Variants in PRPF6 observed in about 807,000 individuals in gnomAD.
PRPF6 encodes pre-mRNA-processing factor 6.
A neutral mutation model predicts 118.3 loss-of-function variants in PRPF6; 42 were observed. That is an observed-to-expected ratio of 0.35 (90% CI 0.28 to 0.46). PRPF6 has a LOEUF of 0.46. PRPF6 is among the 20% of genes least tolerant of loss of function. The pLI is 1.00. For synonymous variants in PRPF6, 481 were observed against 485.1 expected (o/e 0.99, Z 0.11); for missense variants, 662 against 1,255.7 (o/e 0.53, Z 7.15).
chr20:64,022,898 TGCCCAAGGGTGC>T lies in PRPF6; in HGVS notation c.1769+21_1769+32del. 1 of 1,613,870 alleles carries T rather than the reference TGCCCAAGGGTGC, an allele frequency of 6.2e-7. No individual in the cohort carries two copies. Among genetic ancestry groups the T allele is most frequent in the Non-Finnish European group, 8.5e-7 (1 of 1,179,920 alleles). ...CACTCGGTATGTGGTGGGACCCGCCTGCCCAAGGGTGCTAATGAAACCTCCAGCTCCATTTGT... is the reference window on the plus strand; with the variant it reads ...CACTCGGTATGTGGTGGGACCCGCCTTAATGAAACCTCCAGCTCCATTTGT... On this transcript the variant is annotated intron_variant, in intron 13 of 20. Transcript: ENST00000266079.
At chr20:64,019,213 TCTC>T (rs907705884) in intron 12 of PRPF6, among the ~76,000 whole-genome samples, 6 of 151,036 alleles carry the variant, frequency 4.0e-5, no homozygotes, top group African/African-American at 1.5e-4. Context: ...TTCAAGCAAT[TCTC>T]CTGCCTCAGC....
chr20:64,002,014 G>GGTT (rs1322406883), intron 9 of PRPF6, among the ~76,000 whole-genome samples: 2 of 83,266 alleles, frequency 2.4e-5, no homozygotes, highest in Non-Finnish European at 4.2e-5. Context: ...TTTTTTTCTG[G>GGTT]TTTTTTTTTT....
intron 9 of PRPF6, among the ~76,000 whole-genome samples, chr20:64,006,340 T>C (rs1317316863): frequency 7.2e-6 from 1 of 139,402 alleles, no homozygotes; most frequent in Non-Finnish European, 1.5e-5. Flanking sequence ...TTTTTGAGAC[T>C]GAGTCTTGCT....
chr20:63,983,318 A>C (rs1017290619), intron 2 of PRPF6, 103 bp downstream of exon 2: 2 of 1,422,624 alleles, frequency 1.4e-6, no homozygotes, highest in African/African-American at 2.8e-5. Context: ...GGAGTGGCTC[A>C]TGCATTTAAA....
chr20:64,025,882 TCAGG>T (rs1324089963), intron 14 of PRPF6, 53 bp from the exon 15 acceptor site: 2 of 1,612,664 alleles, frequency 1.2e-6, no homozygotes, highest in East Asian at 2.2e-5. Flanking sequence ...TTAAGTGTGA[TCAGG>T]CGCTGGTCCC....
At chr20:64,024,389 G>A (rs2059278616) in intron 13 of PRPF6, among the ~76,000 whole-genome samples, 166 bp from the exon 14 acceptor site, 2 of 152,184 alleles carry the variant, frequency 1.3e-5, no homozygotes, top group South Asian at 4.2e-4. Context: ...TTATGGAGAG[G>A]AAAGATTTCC....
intron 9 of PRPF6, among the ~76,000 whole-genome samples, chr20:64,004,527 G>A (rs919570440): frequency 9.9e-5 from 15 of 152,208 alleles, no homozygotes; most frequent in Non-Finnish European, 1.8e-4. Flanking sequence ...AGGGAGCCTG[G>A]CAGTGCATGG....
At chr20:64,019,430 G>A (rs1004930169) in intron 12 of PRPF6, among the ~76,000 whole-genome samples, 1 of 152,144 alleles carries the variant, frequency 6.6e-6, no homozygotes, top group African/African-American at 2.4e-5. Flanking sequence ...ATACACTGGA[G>A]TAAGCACAGC....
chr20:63,990,649 C>CTTTT (rs565993288), intron 3 of PRPF6, among the ~76,000 whole-genome samples: 1 of 140,892 alleles, frequency 7.1e-6, no homozygotes, highest in Non-Finnish European at 1.5e-5. Context: ...TTTCTTTTTT[C>CTTTT]TTTTTTTTTT....
rs894671162 is a variant in PRPF6 at position 64,026,554 on chromosome 20, C to T, written c.2029-428C>T. On this transcript the variant is annotated intron_variant, in intron 15 of 20. Transcript: ENST00000266079. The surrounding 1 kb of genome is among the most constrained non-coding windows in gnomAD (Gnocchi z 4.4). ...GTTCATACGGCCGGGTGTGGTGGCT[C>T]ACGCCTGTAATCCCAGCACTTTGGG... Among the ~76,000 whole-genome samples, 1 of 151,522 alleles carries T rather than the reference C, an allele frequency of 6.6e-6. No individual in the cohort carries two copies. The highest frequency in any genetic ancestry group is 1.5e-5 in the Non-Finnish European group (1 of 67,956).
chr20:64,026,751 G>C lies in PRPF6; in HGVS notation c.2029-231G>C, dbSNP rs1345327198. Among the ~76,000 whole-genome samples the C allele has an allele frequency of 1.3e-5, 2 of 152,144 alleles. No homozygotes were observed. Among genetic ancestry groups the C allele is most frequent in the Non-Finnish European group, 2.9e-5 (2 of 68,022 alleles). ...GCAGGTGGAGCTTGCAGTGAGCCGA[G>C]ATCGTGCCACTGCACTCCAGCCTGG... On this transcript the variant is annotated intron_variant, in intron 15 of 20. Coordinates refer to ENST00000266079, the MANE Select transcript of PRPF6 (RefSeq NM_012469.4). This position sits in a 1 kb window ranked among gnomAD's most constrained non-coding sequence, Gnocchi z 4.4.
chr20:64,022,934 G>T, intron 13 of PRPF6, 56 bp downstream of exon 13: 1 of 1,612,524 alleles, frequency 6.2e-7, no homozygotes, highest in Admixed American at 1.7e-5. Context: ...AGCTCCATTT[G>T]TGTAGCCCTG....
chr20:64,026,893 CT>C lies in PRPF6; in HGVS notation c.2029-88del. 7.6e-7 allele frequency: 1 copy of C among 1,318,460 alleles called. No homozygotes were observed. The highest frequency in any genetic ancestry group is 1.2e-5 in the South Asian group (1 of 84,110). The allele number at this position is 1,318,460 out of a possible 1,614,324, so 81.7% of individuals were successfully genotyped here. A position where few individuals can be genotyped will look rare whatever the true frequency, so the allele number is the denominator to read the frequency against. ...AAAGCTTACAAAAGTACACACAGTA[CT>C]GCAGGTAACAGTGTTGAGGATGAGT... On this transcript the variant is annotated intron_variant, in intron 15 of 20. Coordinates refer to ENST00000266079, the MANE Select transcript of PRPF6 (RefSeq NM_012469.4). The surrounding 1 kb of genome is among the most constrained non-coding windows in gnomAD (Gnocchi z 4.4).
chr20:63,981,357 A>G, intron 1 of PRPF6, 41 bp downstream of exon 1: 1 of 1,539,346 alleles, frequency 6.5e-7, no homozygotes, highest in East Asian at 2.4e-5. Context: ...GGACCCGGCT[A>G]CAGGAGCGCA....
intron 9 of PRPF6, among the ~76,000 whole-genome samples, chr20:64,008,727 T>C (rs533484266): frequency 1.3e-5 from 2 of 152,360 alleles, no homozygotes; most frequent in South Asian, 2.1e-4. Flanking sequence ...AGAATAGATA[T>C]TTGATTTGCT....
At chr20:64,015,363 C>G (rs774887818) in intron 11 of PRPF6, among the ~76,000 whole-genome samples, 1 of 152,232 alleles carries the variant, frequency 6.6e-6, no homozygotes, top group Non-Finnish European at 1.5e-5. Context: ...CACCACTGAC[C>G]TTTGTGCCAG....
At chr20:63,997,029 A>G (rs1250605351) in intron 6 of PRPF6, among the ~76,000 whole-genome samples, 3 of 152,154 alleles carry the variant, frequency 2.0e-5, no homozygotes, top group African/African-American at 2.4e-5. Flanking sequence ...CTTCACTGAC[A>G]TAATTATGTT....
rs746415293 is a variant in PRPF6, at chr20:64,010,364, G to T, written c.1305+46G>T. The T allele has an allele frequency of 4.1e-6, 6 of 1,462,800 alleles. No homozygotes were observed. The South Asian group carries it at 4.5e-5, about 11-fold the overall frequency. 90.6% of individuals were successfully genotyped at this position (1,462,800 alleles called of 1,614,324 possible). The stretch of plus-strand genomic sequence containing the variant: ...GCCACCAGAGCCCAAAGTGGCCAAG[G>T]CCTGAGCCCAGGTTCAGTGTCTGGA... On this transcript the variant is annotated intron_variant, in intron 10 of 20. Transcript: ENST00000266079.
At chr20:63,993,956 A>G (rs1406318970) in intron 4 of PRPF6, among the ~76,000 whole-genome samples, 3 of 151,768 alleles carry the variant, frequency 2.0e-5, no homozygotes, top group Admixed American at 1.3e-4. Context: ...CGCCATGTGT[A>G]CCAGGCTGGT....
Sources: allele counts gnomAD v4.1 joint callset (sites outside exome capture counted in the v4.1 genomes callset), GRCh38; gene constraint gnomAD v4.1.1; non-coding constraint Gnocchi (gnomAD v3.1); transcripts MANE v1.5; gene names NCBI Gene and HGNC (gene_info 2026-07-23, HGNC 2026-07-21).